COL4A4: variants seen among roughly 807,000 people sequenced by gnomAD.
COL4A4 encodes collagen type IV alpha 4 chain.
COL4A4 carries 105 observed loss-of-function variants against 192.9 expected under a neutral mutation model. The observed-to-expected ratio is 0.54, with a 90% CI of 0.46 to 0.64. The LOEUF (loss-of-function observed/expected upper bound fraction) is 0.64. COL4A4 is among the 30% of genes least tolerant of loss of function. The pLI is 0.00. For synonymous variants in COL4A4, 762 were observed against 769.9 expected (o/e 0.99, Z 0.17); for missense variants, 1,967 against 2,169.3 (o/e 0.91, Z 1.85).
At chr2:227,068,760 A>T (rs1392597362) in intron 25 of COL4A4, among the ~76,000 whole-genome samples, 1 of 149,300 alleles carries the variant, frequency 6.7e-6, no homozygotes, top group Admixed American at 6.7e-5. Context: ...AGCCAATATC[A>T]TACTGAATGG....
At chr2:227,160,719 T>A (rs1314745482) in intron 1 of COL4A4, among the ~76,000 whole-genome samples, 1 of 152,200 alleles carries the variant, frequency 6.6e-6, no homozygotes, top group Non-Finnish European at 1.5e-5. Flanking sequence ...GATAATTACA[T>A]AGAAGATGAG....
At chr2:227,157,999 C>T (rs1239283015) in intron 1 of COL4A4, among the ~76,000 whole-genome samples, 1 of 152,030 alleles carries the variant, frequency 6.6e-6, no homozygotes, top group Non-Finnish European at 1.5e-5. Context: ...CATGACTCTC[C>T]TTAACATAAT....
intron 23 of COL4A4, among the ~76,000 whole-genome samples, chr2:227,081,562 T>C (rs1216888331): frequency 6.6e-6 from 1 of 152,184 alleles, no homozygotes; most frequent in East Asian, 1.9e-4. Flanking sequence ...ACTACTGGCT[T>C]CCTTGCTCCT....
At chr2:227,087,389 C>T (rs1345600058) in intron 22 of COL4A4, among the ~76,000 whole-genome samples, 4 of 152,174 alleles carry the variant, frequency 2.6e-5, no homozygotes, top group Non-Finnish European at 5.9e-5. Context: ...CTTGAAATGT[C>T]TCAAACAGTA....
In COL4A4 at chr2:227,088,791, C is replaced by T. The variant is rs1158458468; in HGVS notation, c.1485G>A (p.Glu495=). ...EKGNEGLCAC[E]PGPMGPPGPP... ...GGCCAGGGGGGCCCATGGGTCCAGGCTCACAGGCACAGAGTCCTTCATTTC... is the reference window on the plus strand; with the variant it reads ...GGCCAGGGGGGCCCATGGGTCCAGGTTCACAGGCACAGAGTCCTTCATTTC... The change falls in exon 22 of 48, where the codon GAG becomes GAA. Residue 495 remains glutamate, a synonymous_variant. Coordinates refer to ENST00000396625, the MANE Select transcript of COL4A4 (RefSeq NM_000092.5). 1 of 1,614,136 alleles carries T rather than the reference C, an allele frequency of 6.2e-7. No individual in the cohort carries two copies. The highest frequency in any genetic ancestry group is 8.5e-7 in the Non-Finnish European group (1 of 1,180,026).
the COL4A4 span, among the ~76,000 whole-genome samples, chr2:226,990,056 G>A: frequency 1.3e-5 from 2 of 152,194 alleles, no homozygotes; most frequent in Non-Finnish European, 2.9e-5. Context: ...CCATTTGTAT[G>A]AAAGTTATAC....
At chr2:227,032,860 T>TCTGA (rs968136985) in intron 38 of COL4A4, among the ~76,000 whole-genome samples, 1 of 152,236 alleles carries the variant, frequency 6.6e-6, no homozygotes, top group Non-Finnish European at 1.5e-5. Flanking sequence ...AGCTACTTTG[T>TCTGA]CTGATCATAA....
At chr2:227,120,967 G>A in intron 5 of COL4A4, 47 bp downstream of exon 5, 1 of 1,612,934 alleles carries the variant, frequency 6.2e-7, no homozygotes, top group Middle Eastern at 1.7e-4. Flanking sequence ...TGGTGCAGTA[G>A]TGCTGGTGAG....
At chr2:227,071,396 A>G (rs561387889) in intron 25 of COL4A4, among the ~76,000 whole-genome samples, 1 of 152,262 alleles carries the variant, frequency 6.6e-6, no homozygotes, top group South Asian at 2.1e-4. Flanking sequence ...TTTAGATTCA[A>G]AAAACAATTA....
At chr2:227,026,195 T>C (rs1330097269) in intron 42 of COL4A4, among the ~76,000 whole-genome samples, 1 of 151,984 alleles carries the variant, frequency 6.6e-6, no homozygotes, top group Non-Finnish European at 1.5e-5. Flanking sequence ...AGAAAGGAAA[T>C]ATGAAAAGAA....
chr2:227,052,426 T>G lies in COL4A4; in HGVS notation c.2861-14A>C. 1 of 1,418,664 alleles carries G rather than the reference T, an allele frequency of 7.0e-7. No homozygotes were observed. The allele number at this position is 1,418,664 out of a possible 1,614,324, so 87.9% of individuals were successfully genotyped here. On this transcript the variant is annotated splice_polypyrimidine_tract_variant and intron_variant, in intron 31 of 47. Transcript: ENST00000396625. ...GTCCTATGGCTCCTATGGATATTAA[T>G]TATGCAAGAACAAAATGAACAGGAA...
At position 227,051,112 on chromosome 2, in the gene COL4A4, T is replaced by C. The variant is rs1974002869; in HGVS notation, c.3015A>G (p.Gly1005=). The C allele has an allele frequency of 6.2e-7, 1 of 1,614,028 alleles. No homozygotes were observed. The highest frequency in any genetic ancestry group is 1.3e-5 in the African/African-American group (1 of 74,902). Residue 1005 remains glycine, a synonymous_variant, in exon 33 of 48, where the codon GGA becomes GGG. Transcript: ENST00000396625. ...TGTGAAATCCAGGTGGTCCGTATCT[T>C]CCCGGCTCTCCTCTTCTCCCTTGCA... is the stretch of plus-strand genomic sequence containing the variant. ...PGMQGRRGEP[G]RYGPPGFHRG...
intron 1 of COL4A4, among the ~76,000 whole-genome samples, chr2:227,154,812 G>A (rs1406738432): frequency 6.6e-6 from 1 of 152,146 alleles, no homozygotes; most frequent in Non-Finnish European, 1.5e-5. Flanking sequence ...CCATCTACCT[G>A]GACACCTCCT....
At chr2:227,031,496 T>G (rs1249528095) in intron 40 of COL4A4, among the ~76,000 whole-genome samples, 1 of 152,140 alleles carries the variant, frequency 6.6e-6, no homozygotes, top group Non-Finnish European at 1.5e-5. Context: ...AGAAACAACA[T>G]GTACTGTCAG....
At chr2:227,085,015 C>G (rs943260513) in intron 22 of COL4A4, among the ~76,000 whole-genome samples, 1 of 150,876 alleles carries the variant, frequency 6.6e-6, no homozygotes, top group Non-Finnish European at 1.5e-5. Context: ...CCTGTAGTCT[C>G]AGCTACTCGA....
intron 25 of COL4A4, among the ~76,000 whole-genome samples, chr2:227,068,450 A>G (rs2058491791): frequency 1.3e-5 from 2 of 152,254 alleles, no homozygotes; most frequent in South Asian, 2.1e-4. Flanking sequence ...CTTGATGAAC[A>G]TTGATGCAAA....
intron 8 of COL4A4, among the ~76,000 whole-genome samples, chr2:227,111,928 G>A (rs1339328212): frequency 1.3e-5 from 2 of 152,148 alleles, no homozygotes; most frequent in East Asian, 1.9e-4. Context: ...GAGAAAGGTC[G>A]CTGAAGTAAT....
At chr2:227,074,165 G>A (rs941618799) in intron 25 of COL4A4, among the ~76,000 whole-genome samples, 56 of 151,966 alleles carry the variant, frequency 3.7e-4, no homozygotes, top group African/African-American at 1.3e-3. Flanking sequence ...CAAAGGGCCA[G>A]TATGCGGAAT....
At chr2:226,981,248 G>A in the COL4A4 span, among the ~76,000 whole-genome samples, 1 of 152,080 alleles carries the variant, frequency 6.6e-6, no homozygotes, top group Non-Finnish European at 1.5e-5. Context: ...GATAGCACTG[G>A]GAGAAATACC....
Sources: allele counts gnomAD v4.1 joint callset (sites outside exome capture counted in the v4.1 genomes callset), GRCh38; gene constraint gnomAD v4.1.1; transcripts MANE v1.5; gene names NCBI Gene and HGNC (gene_info 2026-07-23, HGNC 2026-07-21).